The following SCAPER variants were observed in gnomAD, a reference collection of about 807,000 sequenced individuals.
The protein encoded by SCAPER is S phase cyclin A-associated protein in the endoplasmic reticulum.
SCAPER carries 98 observed loss-of-function variants against 182.2 expected under a neutral mutation model. That is an observed-to-expected ratio of 0.54 (90% CI 0.46 to 0.64). The LOEUF is 0.64. Ranked by LOEUF, SCAPER falls within the 30% of genes least tolerant of loss-of-function variation. SCAPER has a pLI of 0.00. For synonymous variants in SCAPER, 605 were observed against 564.6 expected, an observed-to-expected ratio of 1.07 and a Z score of -1.01; for missense variants, 1,432 against 1,690.0, an observed-to-expected ratio of 0.85 and a Z score of 2.68.
At chr15:76,779,969 C>A (rs2064003749) in intron 8 of SCAPER, among the ~76,000 whole-genome samples, 1 of 152,196 alleles carries the variant, frequency 6.6e-6, no homozygotes, top group African/African-American at 2.4e-5. Context: ...GTGATCGACG[C>A]AGAAGAAAGG....
intron 23 of SCAPER, among the ~76,000 whole-genome samples, chr15:76,534,003 A>T (rs778797162): frequency 1.6e-4 from 24 of 152,288 alleles, no homozygotes; most frequent in Middle Eastern, 3.4e-3. Context: ...TATTTTTTTG[A>T]AAAGATTAAT....
intron 22 of SCAPER, among the ~76,000 whole-genome samples, chr15:76,583,350 C>CAAAA (rs35851130): frequency 9.5e-6 from 1 of 105,586 alleles, no homozygotes; most frequent in Non-Finnish European, 2.0e-5. Context: ...GACTCCATCT[C>CAAAA]AAAAAAAAAA....
chr15:76,471,444 T>C (rs1365014888), intron 24 of SCAPER, 109 bp from the exon 25 acceptor site: 1 of 1,300,900 alleles, frequency 7.7e-7, no homozygotes, highest in African/African-American at 1.5e-5. Flanking sequence ...GAGATGGAAG[T>C]CACTCTAAAA....
At chr15:76,718,257 A>G (rs1372734325) in intron 17 of SCAPER, among the ~76,000 whole-genome samples, 1 of 152,210 alleles carries the variant, frequency 6.6e-6, no homozygotes, top group African/African-American at 2.4e-5. Flanking sequence ...AGCAAAATCT[A>G]TGGGTTGCAG....
chr15:76,652,371 C>CATATATATATATATATAT (rs56164668), intron 21 of SCAPER, among the ~76,000 whole-genome samples: 4 of 8,054 alleles, frequency 5.0e-4, no homozygotes, highest in Non-Finnish European at 8.6e-4. Context: ...CACACACACA[C>CATATATATATATATATAT]ATATATATAT....
intron 23 of SCAPER, among the ~76,000 whole-genome samples, chr15:76,544,576 C>A (rs750876590): frequency 6.6e-6 from 1 of 152,032 alleles, no homozygotes; most frequent in Non-Finnish European, 1.5e-5. Flanking sequence ...GACCACATAT[C>A]GAATAATTTT....
chr15:76,855,793 G>A (rs2071305183), intron 4 of SCAPER: 1 of 378,862 alleles, frequency 2.6e-6, no homozygotes, highest in Non-Finnish European at 5.4e-6. Flanking sequence ...AGGTTGTGGA[G>A]ATAAGAGAAT....
At chr15:76,657,246 A>T (rs533950580) in intron 21 of SCAPER, among the ~76,000 whole-genome samples, 1 of 152,194 alleles carries the variant, frequency 6.6e-6, no homozygotes, top group South Asian at 2.1e-4. Flanking sequence ...AATGTAAAAC[A>T]TCCCTCAGAG....
intron 22 of SCAPER, among the ~76,000 whole-genome samples, chr15:76,593,804 G>A (rs1475885419): frequency 5.0e-5 from 6 of 120,494 alleles, no homozygotes; most frequent in East Asian, 2.2e-4. Flanking sequence ...CATCCACACA[G>A]AAACCCCATC....
rs146409495 is a variant in SCAPER, at chr15:76,608,769, C to T, written c.2711+12995G>A. Reference sequence around the variant, plus strand: ...TCACTGCTGCCTTGCAGTTTGGTCTCGGACTGCTGTGCTAGCAATGAGTGA... The same window carrying T: ...TCACTGCTGCCTTGCAGTTTGGTCTTGGACTGCTGTGCTAGCAATGAGTGA... On this transcript the variant is annotated intron_variant, in intron 22 of 31. Transcript: ENST00000563290. 9.1e-3 allele frequency among the ~76,000 whole-genome samples: 1,378 copies of T among 152,258 alleles called. 22 individuals are homozygous for T. Among genetic ancestry groups the T allele is most frequent in the African/African-American group, 0.032 (1,331 of 41,538 alleles).
intron 22 of SCAPER, among the ~76,000 whole-genome samples, chr15:76,585,366 T>C (rs184443861): frequency 5.9e-5 from 9 of 152,220 alleles, no homozygotes; most frequent in South Asian, 4.2e-4. Flanking sequence ...GCATACTTCT[T>C]TTACCTTCCA....
chr15:76,620,859 G>C (rs1041871107), intron 22 of SCAPER, among the ~76,000 whole-genome samples: 2 of 152,094 alleles, frequency 1.3e-5, no homozygotes, highest in South Asian at 2.1e-4. Flanking sequence ...GTCGAGGGGG[G>C]ACAAGAGGAG....
In SCAPER at chr15:76,564,983, C is replaced by T. The variant is rs542039829; in HGVS notation, c.2838+9175G>A. ...GCTAGCCATATACAGAAGATTTAAA[C>T]TGGACCCATTCCTTATACCATGTAC... On this transcript the variant is annotated intron_variant, in intron 23 of 31. Transcript: ENST00000563290. 3.3e-5 allele frequency among the ~76,000 whole-genome samples: 5 copies of T among 152,288 alleles called. No homozygotes were observed. The South Asian group carries it at 1.0e-3, about 32-fold the overall frequency.
rs966202785 is a variant in SCAPER, at chr15:76,772,912, C to A, written c.1036-958G>T. On this transcript the variant is annotated intron_variant, in intron 9 of 31. Coordinates refer to ENST00000563290, the MANE Select transcript of SCAPER (RefSeq NM_020843.4). ...GCTGCAGTGGCCATAAACCTCCCCC[C>A]AGTTTGATTAATTATTTATACAAAT... Among the ~76,000 whole-genome samples, 3 of 151,844 alleles carry A rather than the reference C, an allele frequency of 2.0e-5. No individual in the cohort carries two copies. In the East Asian group the frequency reaches 5.8e-4, roughly 29 times the overall value.
At chr15:76,665,888 A>G in intron 20 of SCAPER, 99 bp from the exon 21 acceptor site, 1 of 1,031,956 alleles carries the variant, frequency 9.7e-7, no homozygotes, top group Non-Finnish European at 1.3e-6. Context: ...ATTTGATGAA[A>G]CTAAAAGTAA....
intron 10 of SCAPER, among the ~76,000 whole-genome samples, chr15:76,769,803 T>C (rs1369060094): frequency 1.3e-5 from 2 of 152,188 alleles, no homozygotes; most frequent in South Asian, 2.1e-4. Flanking sequence ...TGGTGATTCC[T>C]TAAGGATCTA....
chr15:76,403,777 A>T (rs1031153280), intron 27 of SCAPER, among the ~76,000 whole-genome samples: 1 of 152,232 alleles, frequency 6.6e-6, no homozygotes, highest in African/African-American at 2.4e-5. Context: ...TCATATTCCT[A>T]TCAGAAAAAT....
At position 76,804,422 on chromosome 15, in the gene SCAPER, T is replaced by C. The variant is rs368065187; in HGVS notation, c.494+111A>G. 539 of 640,276 alleles carry C rather than the reference T, an allele frequency of 8.4e-4. 1 individual carries two copies. Among genetic ancestry groups the C allele is most frequent in the Non-Finnish European group, 1.2e-3 (457 of 387,232 alleles). 39.7% of individuals were successfully genotyped at this position (640,276 alleles called of 1,614,324 possible). On this transcript the variant is annotated intron_variant, in intron 6 of 31. Coordinates refer to ENST00000563290, the MANE Select transcript of SCAPER (RefSeq NM_020843.4). ...GAATGAGAAATGCAGCACCTGACTT[T>C]TAGATTTTTACAAGTTTCAACTCAA...
intron 18 of SCAPER, among the ~76,000 whole-genome samples, chr15:76,703,960 G>C (rs964372742): frequency 1.3e-5 from 2 of 152,086 alleles, no homozygotes; most frequent in Non-Finnish European, 2.9e-5. Flanking sequence ...TGAGGAGCCA[G>C]CATGTAAATA....
Sources: allele counts gnomAD v4.1 joint callset (sites outside exome capture counted in the v4.1 genomes callset), GRCh38; gene constraint gnomAD v4.1.1; transcripts MANE v1.5; gene names NCBI Gene and HGNC (gene_info 2026-07-23, HGNC 2026-07-21).